Variants in NR3C2 observed in about 807,000 individuals in gnomAD.
NR3C2 encodes the protein mineralocorticoid receptor.
A neutral mutation model predicts 86.4 loss-of-function variants in NR3C2; 15 were observed. The observed-to-expected ratio is 0.17, with a 90% confidence interval of 0.12 to 0.27. The LOEUF (loss-of-function observed/expected upper bound fraction) is 0.27, where lower values mean the gene tolerates loss of function less well. Ranked by LOEUF, NR3C2 falls within the 10% of genes least tolerant of loss-of-function variation. The probability of loss-of-function intolerance (pLI) is 1.00; values close to 1 mark genes in which losing one functional copy is unlikely to be tolerated. For synonymous variants in NR3C2, 458 were observed against 450.5 expected (o/e 1.02, Z -0.21); for missense variants, 960 against 1,195.6 (o/e 0.80, Z 2.91).
chr4:148,268,758 A>C (rs1185674255), intron 2 of NR3C2, among the ~76,000 whole-genome samples: 2 of 152,222 alleles, frequency 1.3e-5, no homozygotes, highest in African/African-American at 4.8e-5. Flanking sequence ...AGGGTCTCTA[A>C]TGTGAGATTA....
intron 6 of NR3C2, among the ~76,000 whole-genome samples, chr4:148,130,250 C>T (rs994712223): frequency 2.6e-5 from 4 of 152,178 alleles, no homozygotes; most frequent in African/African-American, 9.7e-5. Context: ...TCTCTTTCCA[C>T]GAACTCACAT....
intron 2 of NR3C2, among the ~76,000 whole-genome samples, chr4:148,279,221 A>G (rs1741115568): frequency 1.3e-5 from 2 of 152,144 alleles, no homozygotes; most frequent in Admixed American, 1.3e-4. Flanking sequence ...GAACACAAGT[A>G]CTGTCAAAGG....
intron 2 of NR3C2, among the ~76,000 whole-genome samples, chr4:148,356,441 TG>T (rs1745551887): frequency 6.6e-6 from 1 of 152,158 alleles, no homozygotes. Flanking sequence ...AATAGACATC[TG>T]GGGGAGAAAA....
intron 2 of NR3C2, among the ~76,000 whole-genome samples, chr4:148,382,165 G>A (rs549872455): frequency 1.3e-5 from 2 of 152,302 alleles, no homozygotes; most frequent in African/African-American, 4.8e-5. Context: ...CCTTTATGAA[G>A]TTAAGAGTCA....
rs1023279236 is a variant in NR3C2 at position 148,303,092 on chromosome 4, T to C, written c.1758-42975A>G. 6.6e-5 allele frequency among the ~76,000 whole-genome samples: 10 copies of C among 152,214 alleles called. 1 individual carries two copies. Among genetic ancestry groups the C allele is most frequent in the Non-Finnish European group, 1.5e-4 (10 of 68,032 alleles). On this transcript the variant is annotated intron_variant, in intron 2 of 8. Coordinates refer to ENST00000358102, the MANE Select transcript of NR3C2 (RefSeq NM_000901.5). Reference sequence around the variant, plus strand: ...ACTTTATGCAAATAATCAGGCCAAGTATAAGACTAAAGTCTATTTTGCAAA... The same window carrying C: ...ACTTTATGCAAATAATCAGGCCAAGCATAAGACTAAAGTCTATTTTGCAAA...
intron 8 of NR3C2, among the ~76,000 whole-genome samples, chr4:148,092,432 C>G (rs755263339): frequency 2.6e-5 from 4 of 152,074 alleles, no homozygotes; most frequent in Non-Finnish European, 5.9e-5. Flanking sequence ...AGAAGTGGCC[C>G]CTTCATGTTT....
At chr4:148,431,551 T>C (rs976120913) in intron 2 of NR3C2, among the ~76,000 whole-genome samples, 1 of 152,154 alleles carries the variant, frequency 6.6e-6, no homozygotes, top group African/African-American at 2.4e-5. Context: ...TTCTAAGGGC[T>C]TTACATTTAG....
chr4:148,383,446 C>T (rs749750919), intron 2 of NR3C2, among the ~76,000 whole-genome samples: 7 of 152,038 alleles, frequency 4.6e-5, no homozygotes, highest in Non-Finnish European at 1.0e-4. Context: ...TTAAAAATTA[C>T]GGGTTTTTAA....
intron 2 of NR3C2, among the ~76,000 whole-genome samples, chr4:148,401,033 C>CG (rs1748135423): frequency 6.6e-6 from 1 of 152,128 alleles, no homozygotes; most frequent in Admixed American, 6.5e-5. Flanking sequence ...CATCAAACAC[C>CG]ATGAGTATTC....
intron 3 of NR3C2, among the ~76,000 whole-genome samples, chr4:148,217,045 G>A (rs1179736658): frequency 3.3e-5 from 5 of 152,218 alleles, no homozygotes; most frequent in Non-Finnish European, 5.9e-5. Flanking sequence ...TGGCAAGACA[G>A]CTAGTAAAGA....
chr4:148,240,658 T>C (rs1345375533), intron 3 of NR3C2, among the ~76,000 whole-genome samples: 1 of 152,144 alleles, frequency 6.6e-6, no homozygotes, highest in African/African-American at 2.4e-5. Flanking sequence ...CTTAAACCTA[T>C]AGCTCCCCAT....
intron 2 of NR3C2, among the ~76,000 whole-genome samples, chr4:148,308,262 C>T (rs141675878): frequency 1.3e-5 from 2 of 152,106 alleles, no homozygotes; most frequent in East Asian, 1.9e-4. Flanking sequence ...ACAACAGCAG[C>T]GTCCGTATTA....
chr4:148,403,737 G>A (rs1293801761), intron 2 of NR3C2, among the ~76,000 whole-genome samples: 1 of 152,078 alleles, frequency 6.6e-6, no homozygotes, highest in Admixed American at 6.5e-5. Context: ...TACCAGTGTA[G>A]AAGTTCAAGA....
chr4:148,081,374 G>C lies in NR3C2; in HGVS notation c.2925C>G (p.Asn975Lys). The change falls in exon 9 of 9, where the codon AAC becomes AAG. Residue 975 changes from asparagine to lysine, a missense_variant. By Grantham distance (94) the Asn-to-Lys change is moderately conservative. Around this residue, in one of 4 missense-constraint regions of NR3C2, gnomAD observed 151 missense variants for 296.3 expected, o/e 0.51. Transcript: ENST00000358102. Reference sequence around the variant, plus strand: ...TCCGGTGGAAGTAGAGCGGCTTGGCGTTCCCCGACTCCACCTTGGGCAGCT... The same window carrying C: ...TCCGGTGGAAGTAGAGCGGCTTGGCCTTCCCCGACTCCACCTTGGGCAGCT... ...SDQLPKVESG[N>K]AKPLYFHRK The C allele has an allele frequency of 6.2e-7, 1 of 1,614,140 alleles. No homozygotes were observed. Among genetic ancestry groups the C allele is most frequent in the Non-Finnish European group, 8.5e-7 (1 of 1,180,024 alleles).
Position 148,185,055 on chromosome 4 carries a change from A to G in NR3C2, c.2014+9691T>C, listed in dbSNP as rs1210929433. Among the ~76,000 whole-genome samples, 4 of 152,162 alleles carry G rather than the reference A, an allele frequency of 2.6e-5. No individual in the cohort carries two copies. The South Asian group carries it at 8.3e-4, about 32-fold the overall frequency. On this transcript the variant is annotated intron_variant, in intron 4 of 8. Coordinates refer to ENST00000358102, the MANE Select transcript of NR3C2 (RefSeq NM_000901.5). ...TGAAAGCACTACGGAAGCCACAACGAACCACCCCACATTCACCACCTCCGC... is the reference window on the plus strand; with the variant it reads ...TGAAAGCACTACGGAAGCCACAACGGACCACCCCACATTCACCACCTCCGC...
At chr4:148,144,567 A>G (rs968273248) in intron 6 of NR3C2, among the ~76,000 whole-genome samples, 4 of 152,224 alleles carry the variant, frequency 2.6e-5, no homozygotes, top group African/African-American at 9.6e-5. Flanking sequence ...TACTATTTTA[A>G]AAAGAAGTAG....
At position 148,242,554 on chromosome 4, in the gene NR3C2, T is replaced by C. The variant is rs138787757; in HGVS notation, c.1897+17424A>G. 1.9e-3 allele frequency among the ~76,000 whole-genome samples: 290 copies of C among 152,334 alleles called. 3 individuals are homozygous for C. Among genetic ancestry groups the C allele is most frequent in the African/African-American group, 6.5e-3 (270 of 41,582 alleles). On this transcript the variant is annotated intron_variant, in intron 3 of 8. Coordinates refer to ENST00000358102, the MANE Select transcript of NR3C2 (RefSeq NM_000901.5). ...TGATTCCTGTGGGCCCTGAATTTAC[T>C]GGACAAGTAAAGCAACATCACAACA... is the stretch of plus-strand genomic sequence containing the variant.
intron 3 of NR3C2, among the ~76,000 whole-genome samples, chr4:148,253,510 C>A (rs1416121091): frequency 1.3e-5 from 2 of 152,178 alleles, no homozygotes; most frequent in Non-Finnish European, 2.9e-5. Flanking sequence ...AAGGTTCTAA[C>A]GTTGGCCTGC....
At chr4:148,384,485 A>T (rs1747166395) in intron 2 of NR3C2, among the ~76,000 whole-genome samples, 1 of 150,676 alleles carries the variant, frequency 6.6e-6, no homozygotes. Flanking sequence ...GTTTTTTTTC[A>T]AATTGTACAC....
Sources: gnomAD v4.1 joint callset for allele counts (sites outside exome capture counted in the v4.1 genomes callset) on GRCh38, gnomAD v4.1.1 for gene constraint, gnomAD v4.1.1 regional missense constraint, MANE v1.5 for transcripts, NCBI Gene and HGNC (gene_info 2026-07-23, HGNC 2026-07-21) for gene names.